Variants in HMGA2 observed in about 807,000 individuals in gnomAD.
HMGA2 encodes high mobility group protein HMGI-C.
HMGA2 carries 8 observed loss-of-function variants against 19.1 expected under a neutral mutation model. That is an observed-to-expected ratio of 0.42 (90% CI 0.25 to 0.76). The LOEUF (loss-of-function observed/expected upper bound fraction) is 0.76, where lower values mean the gene tolerates loss of function less well. HMGA2 is among the 30% of genes least tolerant of loss of function. HMGA2 has a pLI of 0.28. For synonymous variants in HMGA2, 60 were observed against 48.8 expected (o/e 1.23, Z -0.96); for missense variants, 109 against 136.3 (o/e 0.80, Z 1.00).
chr12:65,824,713 T>TTCTCTTCTCTC lies in HMGA2; in HGVS notation c.-553_-552insTCTCTCTCTCT. 3 of 141,660 alleles carry TTCTCTTCTCTC rather than the reference T, an allele frequency of 2.1e-5. No homozygotes were observed. The East Asian group carries it at 2.4e-4, about 11-fold the overall frequency. 8.8% of individuals were successfully genotyped at this position (141,660 alleles called of 1,614,324 possible). On this transcript the variant is annotated 5_prime_UTR_variant, in exon 1 of 5. Transcript: ENST00000403681. ...CCAAGGCACTTTCAATCTCAATCTC[T>TTCTCTTCTCTC]TCTCTCTCTCTCTCTCTCTCTCTCT...
chr12:65,932,469 T>C (rs920896615), intron 3 of HMGA2, among the ~76,000 whole-genome samples: 2 of 152,254 alleles, frequency 1.3e-5, no homozygotes, highest in Non-Finnish European at 2.9e-5. Context: ...CCAGGAACTA[T>C]GTACCCACCC....
intron 2 of HMGA2, among the ~76,000 whole-genome samples, chr12:65,829,430 A>G (rs1478427945): frequency 2.6e-5 from 4 of 152,080 alleles, no homozygotes; most frequent in African/African-American, 9.6e-5. Flanking sequence ...CATTTGTTTC[A>G]TTTTATCTCA....
At chr12:65,826,645 T>G (rs994630016) in intron 1 of HMGA2, 5 of 152,080 alleles carry the variant, frequency 3.3e-5, no homozygotes, top group Non-Finnish European at 2.9e-5. Flanking sequence ...TAGAGGCCCC[T>G]GAGTTTTCCC....
intron 3 of HMGA2, among the ~76,000 whole-genome samples, chr12:65,891,558 A>G (rs1375808300): frequency 6.6e-6 from 1 of 152,190 alleles, no homozygotes; most frequent in Non-Finnish European, 1.5e-5. Flanking sequence ...TGTTTCATCA[A>G]CATGCATTGT....
In HMGA2 at chr12:65,965,742, C is replaced by T. The variant is rs1876889955; in HGVS notation, c.*2450C>T. On this transcript the variant is annotated 3_prime_UTR_variant, in exon 5 of 5. Transcript: ENST00000403681. ...TTGCTCATGTTGGCCAAACATGGTG[C>T]ACCGAGTGATTTCCATCTCTGGTAA... The T allele has an allele frequency of 4.5e-6, 1 of 222,970 alleles. No individual in the cohort carries two copies. 13.8% of individuals were successfully genotyped at this position (222,970 alleles called of 1,614,324 possible).
At chr12:65,881,567 A>G (rs1873388771) in intron 3 of HMGA2, 1 of 597,864 alleles carries the variant, frequency 1.7e-6, no homozygotes, top group African/African-American at 1.9e-5. Context: ...TAATGGAAAG[A>G]TCCAGTTATG....
intron 3 of HMGA2, among the ~76,000 whole-genome samples, chr12:65,930,618 C>A (rs1186909327): frequency 2.0e-5 from 3 of 152,152 alleles, no homozygotes; most frequent in Non-Finnish European, 4.4e-5. Context: ...GATAATGAAG[C>A]AGGCTGTCAT....
rs374081179 is a variant in HMGA2, at chr12:65,913,594, C to T, written c.250-37789C>T. Reference sequence around the variant, plus strand: ...TATAGAACTTCCTTTATCCTTTTCTCATAAGGTGTATTATTCAGCCTTTTA... The same window carrying T: ...TATAGAACTTCCTTTATCCTTTTCTTATAAGGTGTATTATTCAGCCTTTTA... On this transcript the variant is annotated intron_variant, in intron 3 of 4. Coordinates refer to ENST00000403681, the MANE Select transcript of HMGA2 (RefSeq NM_003483.6). Among the ~76,000 whole-genome samples, 11 of 152,286 alleles carry T rather than the reference C, an allele frequency of 7.2e-5. No homozygotes were observed. In the East Asian group the frequency reaches 2.1e-3, roughly 29 times the overall value.
chr12:65,890,475 A>C (rs1873854212), intron 3 of HMGA2, among the ~76,000 whole-genome samples: 1 of 152,226 alleles, frequency 6.6e-6, no homozygotes, highest in African/African-American at 2.4e-5. Flanking sequence ...ATCTAGCATT[A>C]TCCTGAATAC....
chr12:65,889,220 G>A (rs1873801405), intron 3 of HMGA2, among the ~76,000 whole-genome samples: 1 of 152,024 alleles, frequency 6.6e-6, no homozygotes, highest in African/African-American at 2.4e-5. Context: ...ACTCATTTTT[G>A]GAATTAATAC....
intron 3 of HMGA2, chr12:65,915,057 A>G (rs1281182062): frequency 6.2e-7 from 1 of 1,613,668 alleles, no homozygotes. Context: ...TCATATCCAC[A>G]GGACAATCTA....
chr12:65,873,966 C>T (rs981135472), intron 3 of HMGA2: 3 of 152,154 alleles, frequency 2.0e-5, no homozygotes, highest in African/African-American at 7.2e-5. Flanking sequence ...CAATTAATGG[C>T]CCACAGTTAG....
At chr12:65,832,129 G>A (rs541291858) in intron 2 of HMGA2, among the ~76,000 whole-genome samples, 128 of 152,014 alleles carry the variant, frequency 8.4e-4, no homozygotes, top group South Asian at 1.7e-3. Flanking sequence ...TCCAACTGTT[G>A]TTCCATTATC....
intron 3 of HMGA2, among the ~76,000 whole-genome samples, chr12:65,948,786 T>G (rs183855560): frequency 6.6e-6 from 1 of 152,296 alleles, no homozygotes; most frequent in Admixed American, 6.5e-5. Flanking sequence ...ATTCAGACAT[T>G]GTCTTTCCCC....
At position 65,887,877 on chromosome 12, in the gene HMGA2, T is replaced by TA. The variant is rs59062095; in HGVS notation, c.249+49322dup. Reference sequence around the variant, plus strand: ...CAATATTAGCCTGCCACAGGCAAATTAAAAAAAAAAAAAAGCAATGACAAC... The same window carrying TA: ...CAATATTAGCCTGCCACAGGCAAATTAAAAAAAAAAAAAAAGCAATGACAAC... On this transcript the variant is annotated intron_variant, in intron 3 of 4. Transcript: ENST00000403681. 4.6e-3 allele frequency among the ~76,000 whole-genome samples: 659 copies of TA among 142,220 alleles called. 4 individuals are homozygous for TA. The highest frequency in any genetic ancestry group is 3.7e-3 in the Non-Finnish European group (236 of 64,162). 93.3% of individuals were successfully genotyped at this position (142,220 alleles called of 152,430 possible). A position where few individuals can be genotyped will look rare whatever the true frequency, so the allele number is the denominator to read the frequency against.
chr12:65,915,209 A>G, intron 3 of HMGA2: 1 of 1,603,230 alleles, frequency 6.2e-7, no homozygotes, highest in Non-Finnish European at 8.5e-7. Flanking sequence ...TATGAGCCTT[A>G]TGTGTGGCTT....
chr12:65,960,465 G>A (rs941126322), intron 4 of HMGA2, among the ~76,000 whole-genome samples: 7 of 152,254 alleles, frequency 4.6e-5, no homozygotes, highest in East Asian at 1.9e-4. Flanking sequence ...TACAGAATCC[G>A]CACATGTAAC....
chr12:65,961,369 T>C (rs1160157925), intron 4 of HMGA2, among the ~76,000 whole-genome samples: 1 of 152,230 alleles, frequency 6.6e-6, no homozygotes. Context: ...TTGATCATGC[T>C]ACATCCTCCT....
chr12:65,948,491 T>C (rs1437214823), intron 3 of HMGA2: 2 of 152,220 alleles, frequency 1.3e-5, no homozygotes, highest in Non-Finnish European at 2.9e-5. Context: ...TTTCCCTTTT[T>C]ATGAATGGTG....
Sources: allele counts gnomAD v4.1 joint callset (sites outside exome capture counted in the v4.1 genomes callset), GRCh38; gene constraint gnomAD v4.1.1; transcripts MANE v1.5; gene names NCBI Gene and HGNC (gene_info 2026-07-23, HGNC 2026-07-21).